Variants in WDR86 observed in about 807,000 individuals in gnomAD.
The protein encoded by WDR86 is WD repeat domain 86.
Under a neutral mutation model 36.5 loss-of-function variants are expected in WDR86, and 30 were observed. The observed-to-expected ratio is 0.82, with a 90% CI of 0.61 to 1.11. The LOEUF (loss-of-function observed/expected upper bound fraction) is 1.11, where lower values mean the gene tolerates loss of function less well. Among genes scored for constraint, WDR86 ranks in the 50% most tolerant of loss-of-function variants. The probability of loss-of-function intolerance (pLI) is 0.00; values close to 1 mark genes in which losing one functional copy is unlikely to be tolerated. For synonymous variants in WDR86, 255 were observed against 252.9 expected (o/e 1.01, Z -0.08); for missense variants, 545 against 561.2 (o/e 0.97, Z 0.29).
chr7:151,389,231 CAGG>C, intron 3 of WDR86, among the ~76,000 whole-genome samples: 1 of 151,058 alleles, frequency 6.6e-6, no homozygotes, highest in South Asian at 2.1e-4. Context: ...GCTGGGATAA[CAGG>C]CGTGAGCCAC....
chr7:151,376,964 C>A, downstream of WDR86: 1 of 1,417,582 alleles, frequency 7.1e-7, no homozygotes, highest in Non-Finnish European at 9.4e-7. Flanking sequence ...GCAAGAGGCA[C>A]AGTCTGAGGT....
At chr7:151,408,775 G>A (rs1457297010) in intron 1 of WDR86, 1 of 409,664 alleles carries the variant, frequency 2.4e-6, no homozygotes, top group African/African-American at 2.1e-5. Context: ...GACCTCCTGA[G>A]TGAGTACAGG....
intron 2 of WDR86, among the ~76,000 whole-genome samples, chr7:151,398,503 C>A (rs1006829479): frequency 6.8e-6 from 1 of 147,022 alleles, no homozygotes; most frequent in Non-Finnish European, 1.5e-5. Flanking sequence ...TGTGTGCGCA[C>A]GTGTGTATGT....
At position 151,409,280 on chromosome 7, in the gene WDR86, G is replaced by A. The variant is rs1038719385; in HGVS notation, c.163+147C>T. On this transcript the variant is annotated intron_variant, in intron 1 of 5. Coordinates refer to ENST00000334493, the MANE Select transcript of WDR86 (RefSeq NM_198285.3). The surrounding 1 kb of genome is among the most constrained non-coding windows in gnomAD (Gnocchi z 5.2). ...CGTGCGCTCAACAGCCAGATGCTGG[G>A]CCCAGACAAGCGCTCTTCCGCTAGT... 1.5e-4 allele frequency: 194 copies of A among 1,323,020 alleles called. No homozygotes were observed. Among genetic ancestry groups the A allele is most frequent in the Non-Finnish European group, 1.9e-4 (180 of 958,176 alleles). The allele number at this position is 1,323,020 out of a possible 1,614,324, so 82.0% of individuals were successfully genotyped here.
At chr7:151,375,326 A>G (rs191633095), downstream of WDR86, among the ~76,000 whole-genome samples, 21 of 152,342 alleles carry the variant, frequency 1.4e-4, no homozygotes, top group East Asian at 9.6e-4. Flanking sequence ...ATGGGTCTCA[A>G]AATAGATGTG....
intron 1 of WDR86, among the ~76,000 whole-genome samples, chr7:151,400,543 G>A (rs1410076932): frequency 6.6e-6 from 1 of 152,088 alleles, no homozygotes; most frequent in Non-Finnish European, 1.5e-5. Context: ...CACTATACCT[G>A]GCTAATTCTT....
rs1040801509 is a variant in WDR86 at position 151,388,135 on chromosome 7, C to T, written c.727-2912G>A. 6.6e-6 allele frequency among the ~76,000 whole-genome samples: 1 copy of T among 152,218 alleles called. No individual in the cohort carries two copies. The highest frequency in any genetic ancestry group is 1.9e-4 in the East Asian group (1 of 5,194). ...GCTTTTGCAGCCAGAGACTGCCCCA[C>T]GACATCCTTGCTGTGGTCCCCACCA... On this transcript the variant is annotated intron_variant, in intron 3 of 5. Coordinates refer to ENST00000334493, the MANE Select transcript of WDR86 (RefSeq NM_198285.3). The surrounding 1 kb of genome is among the most constrained non-coding windows in gnomAD (Gnocchi z 4.2).
In WDR86 at chr7:151,403,148, G is replaced by A. The variant is rs1232375421; in HGVS notation, c.164-2907C>T. ...GTGGATTCAGTGTAGGACTTGGTGA[G>A]CAGGGAAGCCAAATTTTGCTTTTTG... On this transcript the variant is annotated intron_variant, in intron 1 of 5. Coordinates refer to ENST00000334493, the MANE Select transcript of WDR86 (RefSeq NM_198285.3). Among the ~76,000 whole-genome samples the A allele has an allele frequency of 1.3e-5, 2 of 151,788 alleles. 1 individual carries two copies. Among genetic ancestry groups the A allele is most frequent in the Admixed American group, 1.3e-4 (2 of 15,244 alleles).
downstream of WDR86, chr7:151,374,420 G>A (rs569341955): frequency 7.4e-6 from 6 of 809,324 alleles, no homozygotes; most frequent in Admixed American, 6.4e-5. Flanking sequence ...GTGAGGCCAC[G>A]TGAGGCCCCA....
chr7:151,374,199 C>G (rs2150720600), downstream of WDR86: 1 of 1,570,426 alleles, frequency 6.4e-7, no homozygotes, highest in East Asian at 2.4e-5. Flanking sequence ...CGCGGCCCAG[C>G]AGGTACTCCA....
intron 2 of WDR86, among the ~76,000 whole-genome samples, chr7:151,398,137 T>C (rs2150827462): frequency 6.6e-6 from 1 of 152,338 alleles, no homozygotes; most frequent in Non-Finnish European, 1.5e-5. Flanking sequence ...TATGTGTATA[T>C]GTGCATGTGT....
At chr7:151,398,439 G>A (rs1800038731) in intron 2 of WDR86, among the ~76,000 whole-genome samples, 2 of 151,872 alleles carry the variant, frequency 1.3e-5, no homozygotes, top group South Asian at 4.1e-4. Flanking sequence ...TGTGTAAGTT[G>A]TGTATGAGTG....
chr7:151,373,849 C>T (rs1425826521), downstream of WDR86, among the ~76,000 whole-genome samples: 2 of 151,992 alleles, frequency 1.3e-5, no homozygotes, highest in Non-Finnish European at 2.9e-5. Context: ...TGGCGAGGCA[C>T]CTCCTTCCTG....
downstream of WDR86, chr7:151,377,158 A>T (rs1234121833): frequency 6.3e-7 from 1 of 1,590,484 alleles, no homozygotes; most frequent in Non-Finnish European, 8.6e-7. Context: ...CTGGAAGATG[A>T]AGAAATTATT....
chr7:151,396,461 C>A (rs1215328041), intron 2 of WDR86, among the ~76,000 whole-genome samples: 6 of 152,336 alleles, frequency 3.9e-5, no homozygotes, highest in African/African-American at 1.4e-4. Context: ...CGCTGGGATC[C>A]CTCCAGCATC....
At chr7:151,383,439 A>C (rs2150749326) in intron 4 of WDR86, among the ~76,000 whole-genome samples, 1 of 144,280 alleles carries the variant, frequency 6.9e-6, no homozygotes, top group East Asian at 2.1e-4. Context: ...GCGCCATTTC[A>C]CTCCAGCCTG....
At chr7:151,403,830 G>T (rs1016916567) in intron 1 of WDR86, among the ~76,000 whole-genome samples, 5 of 152,212 alleles carry the variant, frequency 3.3e-5, no homozygotes, top group Non-Finnish European at 5.9e-5. Context: ...CGCCAGGAGG[G>T]CTCAGCAGAG....
rs113213372 is a variant in WDR86 at position 151,409,221 on chromosome 7, C to A, written c.163+206G>T. On this transcript the variant is annotated intron_variant, in intron 1 of 5. Coordinates refer to ENST00000334493, the MANE Select transcript of WDR86 (RefSeq NM_198285.3). This position sits in a 1 kb window ranked among gnomAD's most constrained non-coding sequence, Gnocchi z 5.2. Reference sequence around the variant, plus strand: ...ATCCCGGCCGCACCCTGCTCTGCACCCGCACCCCACCCCCAGACCTCACCC... The same window carrying A: ...ATCCCGGCCGCACCCTGCTCTGCACACGCACCCCACCCCCAGACCTCACCC... 1.2e-6 allele frequency: 1 copy of A among 852,486 alleles called. No individual in the cohort carries two copies. The highest frequency in any genetic ancestry group is 1.7e-5 in the South Asian group (1 of 60,578). The allele number at this position is 852,486 out of a possible 1,614,324, so 52.8% of individuals were successfully genotyped here. A position where few individuals can be genotyped will look rare whatever the true frequency, so the allele number is the denominator to read the frequency against.
intron 1 of WDR86, among the ~76,000 whole-genome samples, chr7:151,407,926 C>T (rs1201922070): frequency 6.6e-6 from 1 of 152,138 alleles, no homozygotes; most frequent in African/African-American, 2.4e-5. Flanking sequence ...TGGGGATCTG[C>T]ATTTCTGAAA....
Sources: allele counts gnomAD v4.1 joint callset (sites outside exome capture counted in the v4.1 genomes callset), GRCh38; gene constraint gnomAD v4.1.1; non-coding constraint Gnocchi (gnomAD v3.1); transcripts MANE v1.5; gene names NCBI Gene and HGNC (gene_info 2026-07-23, HGNC 2026-07-21).